SH3RF1: variants seen among roughly 807,000 people sequenced by gnomAD.
The protein encoded by SH3RF1 is SH3 domain containing ring finger 1, also known as E3 ubiquitin-protein ligase SH3RF1.
A neutral mutation model predicts 74.0 loss-of-function variants in SH3RF1; 32 were observed. That is an observed-to-expected ratio of 0.43 (90% CI 0.33 to 0.58). The LOEUF is 0.58. SH3RF1 is among the 20% of genes least tolerant of loss of function. The pLI, the probability that SH3RF1 is intolerant of heterozygous loss-of-function variation, is 0.05. For synonymous variants in SH3RF1, 396 were observed against 439.6 expected, an observed-to-expected ratio of 0.90 and a Z score of 1.24; for missense variants, 954 against 1,130.9, an observed-to-expected ratio of 0.84 and a Z score of 2.24.
rs780833748 is a variant in SH3RF1, at chr4:169,269,123, A to G, written c.90T>C (p.His30=). 17 of 1,614,092 alleles carry G rather than the reference A, an allele frequency of 1.1e-5. No homozygotes were observed. The highest frequency in any genetic ancestry group is 5.0e-5 in the Admixed American group (3 of 60,030). Residue 30 remains histidine (H), a synonymous_variant, in exon 2 of 12, where the codon CAT becomes CAC. Coordinates refer to ENST00000284637, the MANE Select transcript of SH3RF1 (RefSeq NM_020870.4). The stretch of plus-strand genomic sequence containing the variant: ...CCAGCAAACATCGCTTGCAAAACGT[A>G]TGCTGGCAAGGCAAGACCTTCGCAG... ...DASAKVLPCQ[H]TFCKRCLLGI...
intron 2 of SH3RF1, among the ~76,000 whole-genome samples, chr4:169,230,736 G>A (rs991497436): frequency 1.6e-4 from 25 of 151,864 alleles, no homozygotes; most frequent in African/African-American, 4.8e-4. Context: ...GCACACACCT[G>A]TAGTCCCAGC....
rs1381612695 is a variant in SH3RF1, at chr4:169,116,418, G to A, written c.1990C>T (p.Leu664=). The A allele has an allele frequency of 1.2e-6, 2 of 1,614,084 alleles. No homozygotes were observed. Among genetic ancestry groups the A allele is most frequent in the Non-Finnish European group, 1.7e-6 (2 of 1,180,038 alleles). ...GCACTGGTGATGCTTGGGGAAGTCA[G>A]TGGAGCAGCTGCTGCACAGGCCAGA... ...APLACAAAAP[L]TSPSITSASL... is the part of the protein sequence containing the mutation. Residue 664 remains leucine, a synonymous_variant, in exon 10 of 12, where the codon CTG becomes TTG. Coordinates refer to ENST00000284637, the MANE Select transcript of SH3RF1 (RefSeq NM_020870.4).
In SH3RF1 at chr4:169,156,456, T is replaced by C. The variant is rs372569534; in HGVS notation, c.617A>G (p.Asp206Gly). ...TGCTTCCTTGTCTTTCACTTCAAAG[T>C]CATAAAGTGCTTTGCACTGAGGTGG... Reference protein sequence around the residue: ...QPPPQCKALYDFEVKDKEADK... With the variant: ...QPPPQCKALYGFEVKDKEADK... Residue 206 changes from aspartate to glycine, a missense_variant, in exon 3 of 12, where the codon GAC becomes GGC. Asp to Gly is a moderately conservative substitution (Grantham distance 94). Around this residue, in one of 3 missense-constraint regions of SH3RF1, gnomAD observed 854 missense variants for 962.5 expected, o/e 0.89. Transcript: ENST00000284637. 3.7e-6 allele frequency: 6 copies of C among 1,609,244 alleles called. No homozygotes were observed. The highest frequency in any genetic ancestry group is 5.1e-6 in the Non-Finnish European group (6 of 1,176,296).
At chr4:169,228,565 G>T (rs1331160183) in intron 2 of SH3RF1, among the ~76,000 whole-genome samples, 1 of 152,056 alleles carries the variant, frequency 6.6e-6, no homozygotes, top group African/African-American at 2.4e-5. Flanking sequence ...ACTTCTAAAA[G>T]CCCCAGTGAT....
chr4:169,114,969 T>C (rs1274865286), intron 10 of SH3RF1, among the ~76,000 whole-genome samples: 1 of 152,152 alleles, frequency 6.6e-6, no homozygotes, highest in Non-Finnish European at 1.5e-5. Context: ...GTGTAAAATA[T>C]TGAGGAAAAA....
rs147493521 is a variant in SH3RF1, at chr4:169,150,891, G to A, written c.765+4589C>T. ...TTAATTTGGGAAAATTCTAAACTAGGTACAATCAAATAGCCTAGTTTTTAA... is the reference window on the plus strand; with the variant it reads ...TTAATTTGGGAAAATTCTAAACTAGATACAATCAAATAGCCTAGTTTTTAA... On this transcript the variant is annotated intron_variant, in intron 4 of 11. Coordinates refer to ENST00000284637, the MANE Select transcript of SH3RF1 (RefSeq NM_020870.4). Among the ~76,000 whole-genome samples the A allele has an allele frequency of 2.2e-4, 34 of 152,098 alleles. No individual in the cohort carries two copies. The East Asian group carries it at 6.2e-3, about 28-fold the overall frequency.
At position 169,146,010 on chromosome 4, in the gene SH3RF1, A is replaced by G. The variant is rs1414385454; in HGVS notation, c.766-9390T>C. 4.3e-5 allele frequency among the ~76,000 whole-genome samples: 6 copies of G among 140,910 alleles called. 2 individuals are homozygous for G. The highest frequency in any genetic ancestry group is 7.6e-5 in the Non-Finnish European group (5 of 65,582). The allele number at this position is 140,910 out of a possible 152,430, so 92.4% of individuals were successfully genotyped here. A position where few individuals can be genotyped will look rare whatever the true frequency, so the allele number is the denominator to read the frequency against. On this transcript the variant is annotated intron_variant, in intron 4 of 11. Transcript: ENST00000284637. The stretch of plus-strand genomic sequence containing the variant: ...ATATAAAATATTACATATTCTATAT[A>G]TTCTATATAAAATATTACATATTCT...
At chr4:169,270,212 C>A (rs1043509775) in intron 1 of SH3RF1, among the ~76,000 whole-genome samples, 3 of 152,126 alleles carry the variant, frequency 2.0e-5, no homozygotes, top group Non-Finnish European at 4.4e-5. Flanking sequence ...AAAGCCGGAG[C>A]GGGGGAGCCC....
At chr4:169,170,567 C>G (rs891675211) in intron 2 of SH3RF1, among the ~76,000 whole-genome samples, 4 of 152,132 alleles carry the variant, frequency 2.6e-5, no homozygotes. Flanking sequence ...ACTAATTTTA[C>G]ATGTTCACCA....
chr4:169,111,205 G>T (rs1733238749), intron 10 of SH3RF1, among the ~76,000 whole-genome samples: 6 of 150,582 alleles, frequency 4.0e-5, no homozygotes. Context: ...GGAGGCTGAG[G>T]TGGGAGGATT....
chr4:169,150,469 G>C (rs10015797), intron 4 of SH3RF1, among the ~76,000 whole-genome samples: 32,036 of 152,072 alleles, frequency 0.21, 3,636 homozygotes, highest in African/African-American at 0.31. Flanking sequence ...TATTACCTCA[G>C]ATAGGTATCA....
At chr4:169,134,809 T>A (rs1389645817) in intron 5 of SH3RF1, among the ~76,000 whole-genome samples, 2 of 152,218 alleles carry the variant, frequency 1.3e-5, no homozygotes, top group Non-Finnish European at 2.9e-5. Flanking sequence ...ACATGTTGAG[T>A]GCTTTCTGCA....
At chr4:169,157,840 G>C (rs1179301190) in intron 2 of SH3RF1, among the ~76,000 whole-genome samples, 2 of 151,808 alleles carry the variant, frequency 1.3e-5, no homozygotes, top group African/African-American at 4.8e-5. Context: ...CTCCTGGGTT[G>C]AGTGATTTTA....
At chr4:169,181,310 T>C (rs1734506392) in intron 2 of SH3RF1, among the ~76,000 whole-genome samples, 1 of 145,608 alleles carries the variant, frequency 6.9e-6, no homozygotes, top group South Asian at 2.3e-4. Context: ...TTGCCCAGGC[T>C]GGAGTGCAGT....
Position 169,231,863 on chromosome 4 carries a change from T to C in SH3RF1, c.393+36957A>G, listed in dbSNP as rs998853656. 5.3e-5 allele frequency among the ~76,000 whole-genome samples: 8 copies of C among 152,222 alleles called. No homozygotes were observed. The East Asian group carries it at 1.5e-3, about 29-fold the overall frequency. On this transcript the variant is annotated intron_variant, in intron 2 of 11. Transcript: ENST00000284637. ...GTTTGACATTAGACATTCAAGGATA[T>C]ATAAGTATCAGGTCCTGTCTTTAAA...
intron 6 of SH3RF1, among the ~76,000 whole-genome samples, chr4:169,127,851 A>G (rs1408946289): frequency 6.6e-6 from 1 of 152,168 alleles, no homozygotes; most frequent in Non-Finnish European, 1.5e-5. Context: ...GTCTTTTCCC[A>G]CTACAGGTTG....
chr4:169,128,281 C>A (rs1026353749), intron 6 of SH3RF1, among the ~76,000 whole-genome samples: 1 of 152,074 alleles, frequency 6.6e-6, no homozygotes, highest in African/African-American at 2.4e-5. Flanking sequence ...GGTCAAATAT[C>A]CAGGGCTAAT....
chr4:169,123,749 G>A (rs1367094299), intron 6 of SH3RF1, among the ~76,000 whole-genome samples: 3 of 152,230 alleles, frequency 2.0e-5, no homozygotes, highest in Middle Eastern at 3.4e-3. Flanking sequence ...AAAATTAGCC[G>A]GGTGTGATGG....
At chr4:169,254,583 C>G (rs553752429) in intron 2 of SH3RF1, among the ~76,000 whole-genome samples, 18 of 152,052 alleles carry the variant, frequency 1.2e-4, no homozygotes, top group Admixed American at 7.9e-4. Context: ...ACTAACCACT[C>G]GAGAGATGGG....
Sources: gnomAD v4.1 joint callset for allele counts (sites outside exome capture counted in the v4.1 genomes callset) on GRCh38, gnomAD v4.1.1 for gene constraint, gnomAD v4.1.1 regional missense constraint, MANE v1.5 for transcripts, NCBI Gene and HGNC (gene_info 2026-07-23, HGNC 2026-07-21) for gene names.